Variants in DLG2 observed in about 807,000 individuals in gnomAD.
DLG2 encodes the protein discs large MAGUK scaffold protein 2, also known as disks large homolog 2.
A neutral mutation model predicts 132.5 loss-of-function variants in DLG2; 45 were observed. The ratio of observed to expected loss-of-function variants is 0.34; its 90% CI spans 0.27 to 0.44. The LOEUF (loss-of-function observed/expected upper bound fraction) is 0.44. DLG2 is among the 20% of genes least tolerant of loss of function. The pLI is 1.00. For synonymous variants in DLG2, 424 were observed against 419.6 expected, an observed-to-expected ratio of 1.01 and a Z score of -0.13; for missense variants, 1,045 against 1,196.9, an observed-to-expected ratio of 0.87 and a Z score of 1.87.
intron 5 of DLG2, among the ~76,000 whole-genome samples, chr11:85,145,422 CTCTT>C (rs369168013): frequency 1.1e-3 from 170 of 152,204 alleles, no homozygotes; most frequent in South Asian, 2.7e-3. Context: ...CTTACCTGAT[CTCTT>C]TCTTTATTTC....
intron 19 of DLG2, among the ~76,000 whole-genome samples, chr11:83,614,125 G>C (rs1342315692): frequency 6.6e-6 from 1 of 152,202 alleles, no homozygotes; most frequent in Admixed American, 6.5e-5. Context: ...ATCAATGTGA[G>C]TTCCAAATTC....
intron 7 of DLG2, among the ~76,000 whole-genome samples, chr11:84,327,706 C>T (rs778024241): frequency 6.6e-6 from 1 of 152,174 alleles, no homozygotes; most frequent in Admixed American, 6.5e-5. Flanking sequence ...TACTCTTTTA[C>T]TCTTCCCCCC....
At chr11:84,079,351 T>G (rs571602856) in intron 10 of DLG2, among the ~76,000 whole-genome samples, 1 of 152,058 alleles carries the variant, frequency 6.6e-6, no homozygotes, top group African/African-American at 2.4e-5. Context: ...TGGCACAATC[T>G]TGGCTCACTG....
Position 84,059,135 on chromosome 11 carries a change from T to C in DLG2, c.919+180A>G, listed in dbSNP as rs537084480. On this transcript the variant is annotated intron_variant, in intron 11 of 27. Transcript: ENST00000376104. ...ATAAATCTACTCTTTCCTTCTTATCTGAGTTCATATTTAGAGTACTGGTTT... is the reference window on the plus strand; with the variant it reads ...ATAAATCTACTCTTTCCTTCTTATCCGAGTTCATATTTAGAGTACTGGTTT... Among the ~76,000 whole-genome samples the C allele has an allele frequency of 2.8e-4, 43 of 152,272 alleles. 1 individual carries two copies. In the South Asian group the frequency reaches 8.5e-3, roughly 30 times the overall value.
At chr11:83,554,361 C>T (rs1247758025) in intron 19 of DLG2, among the ~76,000 whole-genome samples, 1 of 152,166 alleles carries the variant, frequency 6.6e-6, no homozygotes, top group East Asian at 1.9e-4. Context: ...TTTACTTGCT[C>T]TGTGGCTATA....
At chr11:83,982,794 G>A (rs2092910278) in intron 11 of DLG2, among the ~76,000 whole-genome samples, 1 of 152,120 alleles carries the variant, frequency 6.6e-6, no homozygotes, top group South Asian at 2.1e-4. Context: ...TTCCACTCAT[G>A]CTAAATGCCC....
At chr11:84,450,011 C>A (rs2099046987) in intron 7 of DLG2, among the ~76,000 whole-genome samples, 1 of 151,718 alleles carries the variant, frequency 6.6e-6, no homozygotes, top group East Asian at 1.9e-4. Context: ...TATCATACTT[C>A]AAGAAATACT....
chr11:83,944,593 G>A (rs1198446693), intron 14 of DLG2, among the ~76,000 whole-genome samples: 3 of 152,180 alleles, frequency 2.0e-5, no homozygotes, highest in Non-Finnish European at 4.4e-5. Flanking sequence ...AGAACTAGAT[G>A]GAAGAGATTT....
At chr11:85,581,030 C>A (rs1462408486) in intron 3 of DLG2, among the ~76,000 whole-genome samples, 10 of 152,050 alleles carry the variant, frequency 6.6e-5, no homozygotes, top group Non-Finnish European at 1.5e-4. Flanking sequence ...AATGGGGGGG[C>A]ACCAGCAGGA....
intron 3 of DLG2, among the ~76,000 whole-genome samples, chr11:85,539,994 C>G (rs376645055): frequency 4.9e-4 from 75 of 152,322 alleles, no homozygotes; most frequent in African/African-American, 1.8e-3. Context: ...CTGCTATTTC[C>G]TGCTGAGCTG....
intron 11 of DLG2, among the ~76,000 whole-genome samples, chr11:84,040,735 T>C (rs1356874873): frequency 6.6e-6 from 1 of 150,408 alleles, no homozygotes; most frequent in East Asian, 2.0e-4. Flanking sequence ...AACTTTAAAG[T>C]AGTTTTTTCC....
At chr11:84,038,142 C>G (rs528768525) in intron 11 of DLG2, among the ~76,000 whole-genome samples, 3 of 151,932 alleles carry the variant, frequency 2.0e-5, no homozygotes, top group African/African-American at 7.3e-5. Flanking sequence ...TTCCACTAGG[C>G]CCCAGTGTGG....
chr11:85,617,609 T>C (rs2081426073), intron 2 of DLG2, among the ~76,000 whole-genome samples: 1 of 152,226 alleles, frequency 6.6e-6, no homozygotes, highest in Non-Finnish European at 1.5e-5. Flanking sequence ...GGATAAATGA[T>C]TGAATAAATA....
chr11:84,609,262 T>C (rs997525458), intron 6 of DLG2, among the ~76,000 whole-genome samples: 1 of 152,166 alleles, frequency 6.6e-6, no homozygotes, highest in Non-Finnish European at 1.5e-5. Context: ...CTTATCTATA[T>C]ATTGGGTGCA....
chr11:83,470,720 T>C (rs1457866834), intron 24 of DLG2, among the ~76,000 whole-genome samples: 5 of 152,138 alleles, frequency 3.3e-5, no homozygotes, highest in African/African-American at 1.2e-4. Context: ...ATCCTAGTCT[T>C]TTGGCCATGT....
In DLG2 at chr11:83,458,381, G is replaced by A. The variant is rs1334831585; in HGVS notation, c.*1437C>T. 1 of 152,568 alleles carries A rather than the reference G, an allele frequency of 6.6e-6. No individual in the cohort carries two copies. Among genetic ancestry groups the A allele is most frequent in the Non-Finnish European group, 1.5e-5 (1 of 68,042 alleles). 9.5% of individuals were successfully genotyped at this position (152,568 alleles called of 1,614,324 possible). On this transcript the variant is annotated 3_prime_UTR_variant, in exon 28 of 28. Coordinates refer to ENST00000376104, the MANE Select transcript of DLG2 (RefSeq NM_001142699.3). ...TTGGTCCAGGTGCAGCTCCAAGAAA[G>A]GCAGTTCAGTTGGTTGAGCTCAAAG...
intron 3 of DLG2, among the ~76,000 whole-genome samples, chr11:85,348,218 T>C (rs2083004121): frequency 6.7e-6 from 1 of 148,500 alleles, no homozygotes; most frequent in Admixed American, 6.7e-5. Flanking sequence ...ACCTCTTTAT[T>C]TTTTGTTTTT....
At chr11:84,620,838 A>G (rs1466501274) in intron 6 of DLG2, among the ~76,000 whole-genome samples, 1 of 152,164 alleles carries the variant, frequency 6.6e-6, no homozygotes, top group Non-Finnish European at 1.5e-5. Flanking sequence ...ATGACTTAGT[A>G]ATTTCAATCC....
chr11:85,143,747 C>T (rs1192337920), intron 5 of DLG2, among the ~76,000 whole-genome samples: 1 of 151,740 alleles, frequency 6.6e-6, no homozygotes, highest in East Asian at 1.9e-4. Context: ...CAAAGTTCCT[C>T]TTCTTATTGA....
Sources: gnomAD v4.1 joint callset for allele counts (sites outside exome capture counted in the v4.1 genomes callset) on GRCh38, gnomAD v4.1.1 for gene constraint, MANE v1.5 for transcripts, NCBI Gene and HGNC (gene_info 2026-07-23, HGNC 2026-07-21) for gene names.